Variants in WDR91 observed in about 807,000 individuals in gnomAD.
The protein encoded by WDR91 is WD repeat-containing protein 91.
A neutral mutation model predicts 88.4 loss-of-function variants in WDR91; 52 were observed. The observed-to-expected ratio is 0.59, with a 90% CI of 0.47 to 0.74. The LOEUF (loss-of-function observed/expected upper bound fraction) is 0.74, where lower values mean the gene tolerates loss of function less well. Ranked by LOEUF, WDR91 falls within the 30% of genes least tolerant of loss-of-function variation. The probability of loss-of-function intolerance (pLI) is 0.00; values close to 1 mark genes in which losing one functional copy is unlikely to be tolerated. For missense variants in WDR91, 824 were observed against 954.5 expected, an observed-to-expected ratio of 0.86 and a Z score of 1.80; for synonymous variants, 362 against 389.5, an observed-to-expected ratio of 0.93 and a Z score of 0.83.
rs1203799416 is a variant in WDR91, at chr7:135,211,519, T to G, written c.-17A>C. 6.2e-7 allele frequency: 1 copy of G among 1,609,662 alleles called. No individual in the cohort carries two copies. Among genetic ancestry groups the G allele is most frequent in the African/African-American group, 1.3e-5 (1 of 74,324 alleles). On this transcript the variant is annotated 5_prime_UTR_variant, in exon 1 of 15. Transcript: ENST00000354475. Reference sequence around the variant, plus strand: ...CTCCGCCATCGCAGCGCTAGCGTCTTTAGGGGTGGTGCGGTGAGGGACGGA... The same window carrying G: ...CTCCGCCATCGCAGCGCTAGCGTCTGTAGGGGTGGTGCGGTGAGGGACGGA...
chr7:135,198,389 T>G, intron 6 of WDR91: 1 of 494,514 alleles, frequency 2.0e-6, no homozygotes, highest in Non-Finnish European at 3.6e-6. Flanking sequence ...GCGGTATCTC[T>G]CATCTGGAGG....
intron 8 of WDR91, among the ~76,000 whole-genome samples, chr7:135,195,500 T>C (rs562862472): frequency 6.6e-6 from 1 of 152,328 alleles, no homozygotes; most frequent in South Asian, 2.1e-4. Context: ...TCTTGAAAGG[T>C]TTATACTGTG....
chr7:135,202,934 A>G (rs1831624664), intron 6 of WDR91, among the ~76,000 whole-genome samples: 1 of 152,236 alleles, frequency 6.6e-6, no homozygotes, highest in Non-Finnish European at 1.5e-5. Flanking sequence ...AGGTCTCAGA[A>G]CTAACTCAGG....
intron 9 of WDR91, 181 bp from the exon 10 acceptor site, chr7:135,193,853 G>C (rs1831266942): frequency 1.7e-6 from 1 of 594,820 alleles, no homozygotes; most frequent in Non-Finnish European, 3.0e-6. Context: ...ACAAAGACGT[G>C]AGAGCTGACC....
rs777238846 is a variant in WDR91, at chr7:135,211,521, A to T, written c.-19T>A. The T allele has an allele frequency of 6.2e-7, 1 of 1,609,156 alleles. No individual in the cohort carries two copies. Among genetic ancestry groups the T allele is most frequent in the Non-Finnish European group, 8.5e-7 (1 of 1,178,166 alleles). On this transcript the variant is annotated 5_prime_UTR_variant, in exon 1 of 15. Coordinates refer to ENST00000354475, the MANE Select transcript of WDR91 (RefSeq NM_014149.4). ...CCGCCATCGCAGCGCTAGCGTCTTTAGGGGTGGTGCGGTGAGGGACGGAGG... is the reference window on the plus strand; with the variant it reads ...CCGCCATCGCAGCGCTAGCGTCTTTTGGGGTGGTGCGGTGAGGGACGGAGG...
rs982061340 is a variant in WDR91 at position 135,211,274 on chromosome 7, C to T, written c.123+106G>A. On this transcript the variant is annotated intron_variant, in intron 1 of 14. Transcript: ENST00000354475. ...CGCGCTGAGGTCTCCGGCGCCCCGG[C>T]GCGAGTGACAGCGCCGCTCTCGCCC... 9.7e-6 allele frequency: 14 copies of T among 1,450,068 alleles called. No individual in the cohort carries two copies. In the African/African-American group the frequency reaches 1.9e-4, roughly 20 times the overall value. The allele number at this position is 1,450,068 out of a possible 1,614,324, so 89.8% of individuals were successfully genotyped here. A position where few individuals can be genotyped will look rare whatever the true frequency, so the allele number is the denominator to read the frequency against.
intron 1 of WDR91, among the ~76,000 whole-genome samples, chr7:135,211,128 A>C (rs1832000944): frequency 6.6e-6 from 1 of 152,100 alleles, no homozygotes; most frequent in Non-Finnish European, 1.5e-5. Flanking sequence ...ACAGAACCCT[A>C]GACCAGGAGC....
At chr7:135,210,745 C>T (rs964690110) in intron 1 of WDR91, 5 of 703,002 alleles carry the variant, frequency 7.1e-6, no homozygotes, top group African/African-American at 5.2e-5. Context: ...CCTAACTCCC[C>T]TCCAGTGCTC....
chr7:135,204,376 G>A lies in WDR91; in HGVS notation c.783C>T (p.Phe261=). The A allele has an allele frequency of 6.2e-7, 1 of 1,614,210 alleles. No homozygotes were observed. The highest frequency in any genetic ancestry group is 1.3e-5 in the African/African-American group (1 of 75,054). The change falls in exon 6 of 15, where the codon TTC becomes TTT. Residue 261 remains phenylalanine (F), a synonymous_variant. Coordinates refer to ENST00000354475, the MANE Select transcript of WDR91 (RefSeq NM_014149.4). The stretch of plus-strand genomic sequence containing the variant: ...TACTCTGAGGCAGCAGCGAGGACAG[G>A]AAGCCCACACGAGGTGACTGGGAGA... The part of the protein sequence containing the change: ...ASLSQSPRVG[F]LSSLLPQSKK...
chr7:135,190,485 T>C (rs1327508308), intron 11 of WDR91, among the ~76,000 whole-genome samples: 1 of 151,628 alleles, frequency 6.6e-6, no homozygotes, highest in Non-Finnish European at 1.5e-5. Context: ...TCACAATTCA[T>C]AAGAAACAGG....
chr7:135,193,507 GA>G, intron 10 of WDR91, 70 bp downstream of exon 10: 1 of 1,611,056 alleles, frequency 6.2e-7, no homozygotes, highest in Non-Finnish European at 8.5e-7. Flanking sequence ...TTAGGCTTGG[GA>G]AAGGACCAGC....
intron 11 of WDR91, among the ~76,000 whole-genome samples, chr7:135,192,527 G>A (rs151305810): frequency 5.9e-5 from 9 of 152,238 alleles, no homozygotes; most frequent in South Asian, 2.1e-4. Flanking sequence ...TGACCCTGAC[G>A]GGCCTGAGAG....
In WDR91 at chr7:135,185,798, A is replaced by T. The variant is rs563979365; in HGVS notation, c.*353T>A. 3.8e-5 allele frequency: 7 copies of T among 181,992 alleles called. No individual in the cohort carries two copies. The highest frequency in any genetic ancestry group is 1.6e-4 in the African/African-American group (7 of 42,738). 11.3% of individuals were successfully genotyped at this position (181,992 alleles called of 1,614,324 possible). On this transcript the variant is annotated 3_prime_UTR_variant, in exon 15 of 15. Coordinates refer to ENST00000354475, the MANE Select transcript of WDR91 (RefSeq NM_014149.4). ...GACCACAAGAGTATTCTCTTTTTTTAAAAAAGAAAAAGATAAATGGGCACA... is the reference window on the plus strand; with the variant it reads ...GACCACAAGAGTATTCTCTTTTTTTTAAAAAGAAAAAGATAAATGGGCACA...
At chr7:135,194,574 G>A (rs569157317) in intron 9 of WDR91, among the ~76,000 whole-genome samples, 6 of 152,260 alleles carry the variant, frequency 3.9e-5, no homozygotes, top group African/African-American at 1.2e-4. Flanking sequence ...CCTCACCAGC[G>A]GAAGCCACTT....
intron 9 of WDR91, chr7:135,193,885 CA>C: frequency 3.6e-6 from 2 of 561,730 alleles, no homozygotes; most frequent in Non-Finnish European, 6.4e-6. Context: ...AGCAAAACCA[CA>C]AAAAGTATCT....
At position 135,195,685 on chromosome 7, in the gene WDR91, G is replaced by A. The variant is rs193278540; in HGVS notation, c.1244+459C>T. On this transcript the variant is annotated intron_variant, in intron 8 of 14. Coordinates refer to ENST00000354475, the MANE Select transcript of WDR91 (RefSeq NM_014149.4). ...AGAGAGGCCCGGTGCGGTGGCTTAC[G>A]CCTGTAATCCCAGCACTGTGGGAGG... Among the ~76,000 whole-genome samples, 582 of 152,292 alleles carry A rather than the reference G, an allele frequency of 3.8e-3. 7 individuals carry two copies. Among genetic ancestry groups the A allele is most frequent in the Non-Finnish European group, 1.7e-3 (114 of 68,026 alleles).
rs1220033985 is a variant in WDR91, at chr7:135,200,417, T to G, written c.892-2266A>C. The G allele has an allele frequency of 2.6e-5, 4 of 152,350 alleles. No individual in the cohort carries two copies. The East Asian group carries it at 7.7e-4, about 29-fold the overall frequency. 9.4% of individuals were successfully genotyped at this position (152,350 alleles called of 1,614,324 possible). On this transcript the variant is annotated intron_variant, in intron 6 of 14. Transcript: ENST00000354475. ...AGAGAGTGAAAGATGCCGGCAGAAC[T>G]GTGTACTCTCTAGACAATGACACTT...
intron 1 of WDR91, 84 bp from the exon 2 acceptor site, chr7:135,209,839 A>G: frequency 1.6e-6 from 2 of 1,282,652 alleles, no homozygotes; most frequent in Non-Finnish European, 2.1e-6. Flanking sequence ...TCCTCTTGTC[A>G]TGGCTTCTGG....
chr7:135,211,452 G>T lies in WDR91; in HGVS notation c.51C>A (p.Leu17=), dbSNP rs1585448575. The change falls in exon 1 of 15, where the codon CTC becomes CTA. Residue 17 remains leucine (L), a synonymous_variant. Coordinates refer to ENST00000354475, the MANE Select transcript of WDR91 (RefSeq NM_014149.4). The part of the protein sequence containing the change: ...RTDELVREYL[L]FRGFTHTLRQ... ...GCAGTGTGTGCGTGAACCCGCGGAA[G>T]AGCAGGTACTCCCGGACCAGCTCGT... is the stretch of plus-strand genomic sequence containing the variant. 1 of 1,612,292 alleles carries T rather than the reference G, an allele frequency of 6.2e-7. No homozygotes were observed. The highest frequency in any genetic ancestry group is 8.5e-7 in the Non-Finnish European group (1 of 1,179,310).
Sources: gnomAD v4.1 joint callset for allele counts (sites outside exome capture counted in the v4.1 genomes callset) on GRCh38, gnomAD v4.1.1 for gene constraint, MANE v1.5 for transcripts, NCBI Gene and HGNC (gene_info 2026-07-23, HGNC 2026-07-21) for gene names.